TBC1D9B: variants seen among roughly 807,000 people sequenced by gnomAD.
TBC1D9B encodes the protein TBC1 domain family member 9B.
Under a neutral mutation model 121.1 loss-of-function variants are expected in TBC1D9B, and 87 were observed. The observed-to-expected ratio is 0.72, with a 90% CI of 0.60 to 0.86. The LOEUF is 0.86. Ranked by LOEUF, TBC1D9B falls within the 40% of genes least tolerant of loss-of-function variation. The pLI is 0.00. For missense variants in TBC1D9B, 1,540 were observed against 1,628.6 expected, an observed-to-expected ratio of 0.95 and a Z score of 0.94; for synonymous variants, 668 against 670.1, an observed-to-expected ratio of 1.00 and a Z score of 0.05.
chr5:179,894,291 C>T, intron 4 of TBC1D9B, 95 bp downstream of exon 4: 1 of 1,197,328 alleles, frequency 8.4e-7, no homozygotes, highest in East Asian at 2.6e-5. Flanking sequence ...CAGGGAGACC[C>T]CTCTGGTGGC....
chr5:179,879,849 T>G (rs930604789), intron 7 of TBC1D9B, 60 bp from the exon 8 acceptor site: 1 of 1,517,710 alleles, frequency 6.6e-7, no homozygotes, highest in Non-Finnish European at 8.8e-7. Flanking sequence ...TGGCCTCTGA[T>G]GCGCCCATCC....
intron 17 of TBC1D9B, chr5:179,868,501 G>C (rs890677075): frequency 2.0e-5 from 3 of 152,246 alleles, no homozygotes; most frequent in South Asian, 4.1e-4. Context: ...ACATGTCCCA[G>C]GTAAAAATCC....
chr5:179,897,112 T>G (rs900351495), intron 3 of TBC1D9B, among the ~76,000 whole-genome samples: 1 of 151,612 alleles, frequency 6.6e-6, no homozygotes, highest in Non-Finnish European at 1.5e-5. Flanking sequence ...TTTCACTGTG[T>G]TAGCCAGGAT....
rs1207729430 is a variant in TBC1D9B at position 179,891,783 on chromosome 5, A to C, written c.837-197T>G. 6.6e-6 allele frequency among the ~76,000 whole-genome samples: 1 copy of C among 152,196 alleles called. No individual in the cohort carries two copies. The highest frequency in any genetic ancestry group is 2.4e-5 in the African/African-American group (1 of 41,448). ...ATGCTGAGTGAGCAGGCAGAAGGTG[A>C]GACAGTCACATAACCAGCGGAGAAG... On this transcript the variant is annotated intron_variant, in intron 5 of 20. Coordinates refer to ENST00000355235, the MANE Select transcript of TBC1D9B (RefSeq NM_015043.4). The surrounding 1 kb of genome is among the most constrained non-coding windows in gnomAD (Gnocchi z 4.3).
intron 3 of TBC1D9B, among the ~76,000 whole-genome samples, chr5:179,897,315 T>C (rs1206864380): frequency 2.8e-5 from 4 of 145,122 alleles, no homozygotes; most frequent in Admixed American, 2.1e-4. Context: ...CATTTTCTTT[T>C]CTTTTTTTTT....
At chr5:179,872,494 CCCCTCT>C (rs1760233808) in intron 14 of TBC1D9B, 1 of 211,070 alleles carries the variant, frequency 4.7e-6, no homozygotes, top group Admixed American at 5.4e-5. Context: ...GAGGGCCTGG[CCCCTCT>C]AGAGATGAGA....
At chr5:179,889,322 CCA>C (rs1760790609) in intron 6 of TBC1D9B, among the ~76,000 whole-genome samples, 2 of 152,202 alleles carry the variant, frequency 1.3e-5, no homozygotes, top group South Asian at 4.1e-4. Context: ...GCCACCGCGC[CCA>C]GTCTGAGTGT....
Position 179,907,562 on chromosome 5 carries a change from C to A in TBC1D9B, c.118+142G>T. 3.0e-6 allele frequency: 1 copy of A among 328,120 alleles called. No homozygotes were observed. Among genetic ancestry groups the A allele is most frequent in the Non-Finnish European group, 4.3e-6 (1 of 231,178 alleles). The allele number at this position is 328,120 out of a possible 1,614,324, so 20.3% of individuals were successfully genotyped here. On this transcript the variant is annotated intron_variant, in intron 1 of 20. Coordinates refer to ENST00000355235, the MANE Select transcript of TBC1D9B (RefSeq NM_015043.4). The surrounding 1 kb of genome is among the most constrained non-coding windows in gnomAD (Gnocchi z 5.3). ...GCTCCCGGGTCCTGGCCTCGCGCCC[C>A]CGCCCCGCCGCGCGCTGGCGTGCGT... is the stretch of plus-strand genomic sequence containing the variant.
Position 179,904,955 on chromosome 5 carries a change from T to C in TBC1D9B, c.119-143A>G, listed in dbSNP as rs2113654905. The C allele has an allele frequency of 1.6e-6, 1 of 608,320 alleles. No homozygotes were observed. The allele number at this position is 608,320 out of a possible 1,614,324, so 37.7% of individuals were successfully genotyped here. ...CGAGGGAAACGTCCGGAATGACCCC[T>C]GCGGTCAAAGGCCTTCAGCCAGTGT... On this transcript the variant is annotated intron_variant, in intron 1 of 20. Coordinates refer to ENST00000355235, the MANE Select transcript of TBC1D9B (RefSeq NM_015043.4). The surrounding 1 kb of genome is among the most constrained non-coding windows in gnomAD (Gnocchi z 4.2).
At chr5:179,897,489 TA>T (rs1166395187) in intron 3 of TBC1D9B, among the ~76,000 whole-genome samples, 1 of 152,050 alleles carries the variant, frequency 6.6e-6, no homozygotes, top group Non-Finnish European at 1.5e-5. Context: ...AGCTACTTTT[TA>T]AATATTTTTA....
At chr5:179,895,833 C>T (rs891408288) in intron 3 of TBC1D9B, among the ~76,000 whole-genome samples, 3 of 152,164 alleles carry the variant, frequency 2.0e-5, no homozygotes, top group African/African-American at 7.2e-5. Context: ...TCTGAGTAGC[C>T]AGGGAAGGAA....
chr5:179,882,269 T>G (rs571456903), intron 7 of TBC1D9B, among the ~76,000 whole-genome samples: 1 of 152,322 alleles, frequency 6.6e-6, no homozygotes, highest in Non-Finnish European at 1.5e-5. Context: ...AACCTCAGGT[T>G]TTGATTGTAC....
Position 179,894,503 on chromosome 5 carries a change from C to T in TBC1D9B, c.460G>A (p.Glu154Lys). The change falls in exon 4 of 21, where the codon GAG becomes AAG. Residue 154 changes from glutamate to lysine, a missense_variant. Transcript: ENST00000355235. ...CAGGAGTAGTAATTCACCAGCTTCTCGCCCTCAGGCATCCCAAACTGCTTC... is the reference window on the plus strand; with the variant it reads ...CAGGAGTAGTAATTCACCAGCTTCTTGCCCTCAGGCATCCCAAACTGCTTC... ...MRKQFGMPEG[E>K]KLVNYYSCSY... The T allele has an allele frequency of 3.1e-6, 5 of 1,614,216 alleles. No individual in the cohort carries two copies. The highest frequency in any genetic ancestry group is 4.2e-6 in the Non-Finnish European group (5 of 1,180,018).
intron 7 of TBC1D9B, chr5:179,887,895 G>A (rs967058011): frequency 3.7e-5 from 24 of 643,246 alleles, no homozygotes; most frequent in African/African-American, 2.9e-4. Flanking sequence ...GAGGAGTACC[G>A]GGTGTGTGGC....
Position 179,882,459 on chromosome 5 carries a change from G to A in TBC1D9B, c.1255-2670C>T, listed in dbSNP as rs1002493011. 6.6e-4 allele frequency among the ~76,000 whole-genome samples: 101 copies of A among 152,218 alleles called. 3 individuals carry two copies. Among genetic ancestry groups the A allele is most frequent in the Non-Finnish European group, 1.8e-4 (12 of 68,046 alleles). On this transcript the variant is annotated intron_variant, in intron 7 of 20. Transcript: ENST00000355235. ...CCAGCAGACTCCACAGAAGCTGAGAGAGCCCCTGAACTCCTCTGCATGTTC... is the reference window on the plus strand; with the variant it reads ...CCAGCAGACTCCACAGAAGCTGAGAAAGCCCCTGAACTCCTCTGCATGTTC...
At chr5:179,906,929 G>T (rs1761336478) in intron 1 of TBC1D9B, among the ~76,000 whole-genome samples, 1 of 152,252 alleles carries the variant, frequency 6.6e-6, no homozygotes, top group African/African-American at 2.4e-5. Context: ...CTGCAGTGCT[G>T]GGCGCAGGCC....
At chr5:179,880,318 C>G (rs939264377) in intron 7 of TBC1D9B, among the ~76,000 whole-genome samples, 2 of 152,246 alleles carry the variant, frequency 1.3e-5, no homozygotes, top group African/African-American at 4.8e-5. Context: ...CTGCTGCCAT[C>G]ATGGTGCCAC....
At chr5:179,892,550 G>A (rs1338802657) in intron 5 of TBC1D9B, among the ~76,000 whole-genome samples, 1 of 152,246 alleles carries the variant, frequency 6.6e-6, no homozygotes, top group African/African-American at 2.4e-5. Context: ...TAAGTAGCCC[G>A]GGAGGGCTGG....
chr5:179,871,503 A>G lies in TBC1D9B; in HGVS notation c.2443T>C (p.Phe815Leu). 1 of 1,613,278 alleles carries G rather than the reference A, an allele frequency of 6.2e-7. No individual in the cohort carries two copies. Among genetic ancestry groups the G allele is most frequent in the Non-Finnish European group, 8.5e-7 (1 of 1,179,708 alleles). ...VVRAIPVDIG[F>L]SIEELEDLYM... ...AGGTCCTCCAGCTCTTCAATGGAGAAACCAATGTCCACAGGTATAGCTCGG... is the reference window on the plus strand; with the variant it reads ...AGGTCCTCCAGCTCTTCAATGGAGAGACCAATGTCCACAGGTATAGCTCGG... Residue 815 changes from phenylalanine (F) to leucine (L), a missense_variant, in exon 15 of 21, where the codon TTC becomes CTC. Transcript: ENST00000355235.
Sources: allele counts gnomAD v4.1 joint callset (sites outside exome capture counted in the v4.1 genomes callset), GRCh38; gene constraint gnomAD v4.1.1; non-coding constraint Gnocchi (gnomAD v3.1); transcripts MANE v1.5; gene names NCBI Gene and HGNC (gene_info 2026-07-23, HGNC 2026-07-21).